RSPH9: variants seen among roughly 807,000 people sequenced by gnomAD.
RSPH9 encodes the protein radial spoke head component 9.
In RSPH9, 27 loss-of-function variants were observed where a neutral mutation model predicts 27.0. That is an observed-to-expected ratio of 1.00 (90% confidence interval 0.74 to 1.38). The LOEUF is 1.38. Ranked by LOEUF, RSPH9 falls within the 40% of genes most tolerant of loss-of-function variation. The pLI is 0.00. For missense variants in RSPH9, 347 were observed against 357.4 expected, an observed-to-expected ratio of 0.97 and a Z score of 0.24; for synonymous variants, 145 against 147.7, an observed-to-expected ratio of 0.98 and a Z score of 0.13.
rs1449577648 is a variant in RSPH9, at chr6:43,671,099, A to C, written c.*150A>C. The C allele has an allele frequency of 2.2e-6, 2 of 921,980 alleles. No homozygotes were observed. The highest frequency in any genetic ancestry group is 5.3e-5 in the East Asian group (2 of 37,876). 57.1% of individuals were successfully genotyped at this position (921,980 alleles called of 1,614,324 possible). On this transcript the variant is annotated 3_prime_UTR_variant, in exon 5 of 5. Coordinates refer to ENST00000372163, the MANE Select transcript of RSPH9 (RefSeq NM_152732.5). The stretch of plus-strand genomic sequence containing the variant: ...AAAGGCCCACTGAGCCAGGGAGCTC[A>C]TTTCTAAACCAAGTGGCAGAGGGGT...
intron 3 of RSPH9, among the ~76,000 whole-genome samples, chr6:43,656,154 T>C (rs1346044029): frequency 1.4e-5 from 2 of 146,788 alleles, no homozygotes; most frequent in Non-Finnish European, 3.0e-5. Flanking sequence ...GGCACAATCT[T>C]GGCTCACTGC....
chr6:43,670,763 C>T, intron 4 of RSPH9, 26 bp from the exon 5 acceptor site: 1 of 1,609,364 alleles, frequency 6.2e-7, no homozygotes, highest in Non-Finnish European at 8.5e-7. Flanking sequence ...AGCACCAGGC[C>T]TCACCTCCTG....
At chr6:43,667,482 CG>C (rs1561945357) in intron 4 of RSPH9, among the ~76,000 whole-genome samples, 1 of 152,146 alleles carries the variant, frequency 6.6e-6, no homozygotes, top group African/African-American at 2.4e-5. Flanking sequence ...GGTTGAGGAC[CG>C]GGAAGGGGGC....
chr6:43,671,704 G>T lies in RSPH9; in HGVS notation c.*755G>T. The T allele has an allele frequency of 1.2e-6, 2 of 1,604,130 alleles. No individual in the cohort carries two copies. The highest frequency in any genetic ancestry group is 1.7e-4 in the Middle Eastern group (1 of 5,972). ...TATAGTTGTGGCCAAGGGCTTGTGA[G>T]TGGGCCTCCTACTCCCCAGCACAGG... On this transcript the variant is annotated 3_prime_UTR_variant, in exon 5 of 5. Coordinates refer to ENST00000372163, the MANE Select transcript of RSPH9 (RefSeq NM_152732.5).
In RSPH9 at chr6:43,654,020, T is replaced by G. The variant is rs141259925; in HGVS notation, c.394-1542T>G. On this transcript the variant is annotated intron_variant, in intron 2 of 4. Transcript: ENST00000372163. ...AGCCTCAGTTTTATTATTATTTTTCTGTAAAATTGAGATAATTGTATTTAC... is the reference window on the plus strand; with the variant it reads ...AGCCTCAGTTTTATTATTATTTTTCGGTAAAATTGAGATAATTGTATTTAC... 1.9e-4 allele frequency among the ~76,000 whole-genome samples: 29 copies of G among 152,326 alleles called. 1 individual carries two copies. Among genetic ancestry groups the G allele is most frequent in the Middle Eastern group, 3.4e-3 (1 of 294 alleles).
intron 4 of RSPH9, among the ~76,000 whole-genome samples, chr6:43,663,913 C>T (rs1219433195): frequency 6.6e-6 from 1 of 151,462 alleles, no homozygotes; most frequent in Non-Finnish European, 1.5e-5. Flanking sequence ...CCTGTAGTCC[C>T]AGCTACTCAG....
At chr6:43,667,474 T>C (rs1334325716) in intron 4 of RSPH9, among the ~76,000 whole-genome samples, 1 of 152,206 alleles carries the variant, frequency 6.6e-6, no homozygotes, top group African/African-American at 2.4e-5. Context: ...CTGGTGGTGG[T>C]TGAGGACCGG....
intron 2 of RSPH9, 100 bp from the exon 3 acceptor site, chr6:43,655,462 C>T (rs987442049): frequency 3.0e-6 from 4 of 1,352,634 alleles, no homozygotes; most frequent in Non-Finnish European, 4.2e-6. Flanking sequence ...GGGTCCACTA[C>T]ACTGCAGTGG....
chr6:43,651,305 A>G (rs1052206197), intron 2 of RSPH9, among the ~76,000 whole-genome samples: 1 of 152,050 alleles, frequency 6.6e-6, no homozygotes, highest in African/African-American at 2.4e-5. Flanking sequence ...AAGCAACTGG[A>G]TAAAGGCAGT....
intron 4 of RSPH9, among the ~76,000 whole-genome samples, chr6:43,668,291 G>A (rs1337349263): frequency 6.6e-6 from 1 of 152,170 alleles, no homozygotes; most frequent in Non-Finnish European, 1.5e-5. Context: ...GTGACTCCTG[G>A]CACGTTGAGT....
At chr6:43,663,229 T>A (rs1453717910) in intron 4 of RSPH9, among the ~76,000 whole-genome samples, 1 of 92,914 alleles carries the variant, frequency 1.1e-5, no homozygotes, top group Non-Finnish European at 1.8e-5. Flanking sequence ...TATTTTTTAT[T>A]TTTTTTTGAG....
chr6:43,662,508 A>G (rs1772735185), intron 4 of RSPH9, among the ~76,000 whole-genome samples: 2 of 151,910 alleles, frequency 1.3e-5, no homozygotes, highest in Non-Finnish European at 2.9e-5. Flanking sequence ...CTGGGACTAT[A>G]GGCGCCCGCC....
intron 4 of RSPH9, among the ~76,000 whole-genome samples, chr6:43,659,671 C>G (rs1772408554): frequency 6.6e-6 from 1 of 152,064 alleles, no homozygotes; most frequent in Non-Finnish European, 1.5e-5. Flanking sequence ...CGTGAGCCAC[C>G]CCGCCCGGCC....
In RSPH9 at chr6:43,656,725, T is replaced by TA. The variant is rs770230617; in HGVS notation, c.670+4dup. 6.8e-6 allele frequency: 11 copies of TA among 1,613,864 alleles called. No homozygotes were observed. The highest frequency in any genetic ancestry group is 7.6e-6 in the Non-Finnish European group (9 of 1,179,976). On this transcript the variant is annotated splice_region_variant and intron_variant, in intron 4 of 4. Coordinates refer to ENST00000372163, the MANE Select transcript of RSPH9 (RefSeq NM_152732.5). ...CCTTGGAGCATGACATTCCCAAAGG[T>TA]AATAGTCCATTACCTGGAGGCCATG...
intron 1 of RSPH9, among the ~76,000 whole-genome samples, chr6:43,650,103 G>A (rs1365291464): frequency 1.3e-5 from 2 of 151,802 alleles, no homozygotes; most frequent in Admixed American, 6.6e-5. Flanking sequence ...TAGTAGAGAC[G>A]GGGTTTCACC....
rs1165813642 is a variant in RSPH9, at chr6:43,645,278, G to T, written c.180G>T (p.Ala60=). 8.7e-6 allele frequency: 14 copies of T among 1,613,926 alleles called. No homozygotes were observed. Among genetic ancestry groups the T allele is most frequent in the Non-Finnish European group, 1.2e-5 (14 of 1,179,996 alleles). Reference sequence around the variant, plus strand: ...GCCTCGTCGCCGATTACTACATCGCGCAGGGCCTGAGTGAGGACCAGCTCG... The same window carrying T: ...GCCTCGTCGCCGATTACTACATCGCTCAGGGCCTGAGTGAGGACCAGCTCG... The part of the protein sequence containing the change: ...ILGLVADYYI[A]QGLSEDQLAP... Residue 60 remains alanine, a synonymous_variant, in exon 1 of 5, where the codon GCG becomes GCT. Transcript: ENST00000372163.
chr6:43,667,068 T>C (rs1248058843), intron 4 of RSPH9, among the ~76,000 whole-genome samples: 1 of 152,178 alleles, frequency 6.6e-6, no homozygotes, highest in Non-Finnish European at 1.5e-5. Flanking sequence ...CTAGGTAGTA[T>C]CTTGCCATTC....
chr6:43,661,004 T>C (rs917962529), intron 4 of RSPH9, among the ~76,000 whole-genome samples: 1 of 152,226 alleles, frequency 6.6e-6, no homozygotes, highest in Admixed American at 6.5e-5. Context: ...TCAGGGCTCT[T>C]GTACATCTCC....
In RSPH9 at chr6:43,671,840, CCT is replaced by C. The variant is rs752699626; in HGVS notation, c.*892_*893del. The C allele has an allele frequency of 3.1e-6, 5 of 1,614,112 alleles. No homozygotes were observed. The African/African-American group carries it at 4.0e-5, about 13-fold the overall frequency. On this transcript the variant is annotated 3_prime_UTR_variant, in exon 5 of 5. Transcript: ENST00000372163. ...GGGGTGACCCCACGGGCATGCGCAC[CCT>C]GTTCCAGCGGGGGCCTTTTTTGTAG...
Sources: allele counts gnomAD v4.1 joint callset (sites outside exome capture counted in the v4.1 genomes callset), GRCh38; gene constraint gnomAD v4.1.1; transcripts MANE v1.5; gene names NCBI Gene and HGNC (gene_info 2026-07-23, HGNC 2026-07-21).